Variants in LMTK2 observed in about 807,000 individuals in gnomAD.
The protein encoded by LMTK2 is serine/threonine-protein kinase LMTK2.
A neutral mutation model predicts 127.5 loss-of-function variants in LMTK2; 37 were observed. The observed-to-expected ratio is 0.29, with a 90% CI of 0.22 to 0.38. The LOEUF (loss-of-function observed/expected upper bound fraction) is 0.38. LMTK2 is among the 10% of genes least tolerant of loss of function. The probability of loss-of-function intolerance (pLI) is 1.00; values close to 1 mark genes in which losing one functional copy is unlikely to be tolerated. For synonymous variants in LMTK2, 819 were observed against 810.1 expected (o/e 1.01, Z -0.19); for missense variants, 1,694 against 1,920.3 (o/e 0.88, Z 2.20).
At chr7:98,142,948 C>G (rs1015250155) in intron 3 of LMTK2, among the ~76,000 whole-genome samples, 2 of 152,248 alleles carry the variant, frequency 1.3e-5, no homozygotes, top group East Asian at 1.9e-4. Context: ...GCTTCTTTCT[C>G]TCTCTCCTTG....
chr7:98,196,987 C>T (rs549772865), intron 11 of LMTK2, among the ~76,000 whole-genome samples: 177 of 152,330 alleles, frequency 1.2e-3, no homozygotes, highest in African/African-American at 3.8e-3. Flanking sequence ...GGTTTCCTCC[C>T]ACTCCTGCTT....
At position 98,194,405 on chromosome 7, in the gene LMTK2, A is replaced by T; in HGVS notation, c.3940A>T (p.Thr1314Ser). 1 of 1,614,072 alleles carries T rather than the reference A, an allele frequency of 6.2e-7. No individual in the cohort carries two copies. Among genetic ancestry groups the T allele is most frequent in the Non-Finnish European group, 8.5e-7 (1 of 1,180,024 alleles). The change falls in exon 11 of 14, where the codon ACC becomes TCC. Residue 1314 changes from threonine (T) to serine (S), a missense_variant. Thr to Ser is a moderately conservative substitution (Grantham distance 58). This residue lies in a region of LMTK2 where 554 missense variants were observed against 567.7 expected (regional missense o/e 0.98). Transcript: ENST00000297293. The surrounding 1 kb of genome is among the most constrained non-coding windows in gnomAD (Gnocchi z 5.4). ...HSLSSESEDE[T>S]EHPVPIILSN... ...CCTCAGCTCCGAGTCGGAGGACGAG[A>T]CCGAGCACCCCGTGCCCATCATCCT...
At position 98,171,647 on chromosome 7, in the gene LMTK2, C is replaced by T. The variant is rs1233831179; in HGVS notation, c.764C>T (p.Ala255Val). The T allele has an allele frequency of 2.5e-6, 4 of 1,599,790 alleles. No homozygotes were observed. The highest frequency in any genetic ancestry group is 1.3e-5 in the African/African-American group (1 of 74,724). Reference protein sequence around the residue: ...MACEVAAGLAAMHKLHFLHSD... With the variant: ...MACEVAAGLAVMHKLHFLHSD... ...TGCGAGGTCGCCGCGGGGCTGGCCG[C>T]CATGCACAAGCTGCACTTCCTGCAC... The change falls in exon 7 of 14, where the codon GCC becomes GTC. Residue 255 changes from alanine to valine, a missense_variant. Ala to Val is a moderately conservative substitution (Grantham distance 64). Around this residue, in one of 8 missense-constraint regions of LMTK2, gnomAD observed 203 missense variants for 226.2 expected, o/e 0.90. Transcript: ENST00000297293. The surrounding 1 kb of genome is among the most constrained non-coding windows in gnomAD (Gnocchi z 5.1).
chr7:98,159,530 C>G, intron 6 of LMTK2, 105 bp downstream of exon 6: 1 of 753,134 alleles, frequency 1.3e-6, no homozygotes, highest in Non-Finnish European at 2.3e-6. Context: ...TGTCTGTCCC[C>G]CACTTGAAGA....
chr7:98,152,901 C>T (rs751203155), intron 4 of LMTK2, among the ~76,000 whole-genome samples: 2 of 152,070 alleles, frequency 1.3e-5, no homozygotes, highest in Admixed American at 1.3e-4. Flanking sequence ...GTGGTAGGAC[C>T]CAAGACAGAT....
At chr7:98,159,707 T>C (rs902670630) in intron 6 of LMTK2, among the ~76,000 whole-genome samples, 1 of 152,212 alleles carries the variant, frequency 6.6e-6, no homozygotes, top group African/African-American at 2.4e-5. Flanking sequence ...GTCCATACTT[T>C]CCATGTGATG....
intron 6 of LMTK2, among the ~76,000 whole-genome samples, chr7:98,163,723 CT>C (rs943928104): frequency 6.6e-6 from 1 of 152,212 alleles, no homozygotes; most frequent in African/African-American, 2.4e-5. Flanking sequence ...CAAAGTGTCT[CT>C]TTGACACTGA....
At chr7:98,189,939 C>T (rs1178579028) in intron 9 of LMTK2, among the ~76,000 whole-genome samples, 1 of 151,968 alleles carries the variant, frequency 6.6e-6, no homozygotes, top group Non-Finnish European at 1.5e-5. Flanking sequence ...ATCGTCTTGC[C>T]CATGTAAAGA....
At chr7:98,152,449 C>A (rs1796872674) in intron 4 of LMTK2, among the ~76,000 whole-genome samples, 1 of 152,238 alleles carries the variant, frequency 6.6e-6, no homozygotes, top group African/African-American at 2.4e-5. Context: ...TGTTTGAGTT[C>A]TCTTCTGCAC....
chr7:98,192,234 C>T lies in LMTK2; in HGVS notation c.1769C>T (p.Thr590Met), dbSNP rs757563317. ...ACTGGCCCTGAACTGTCCCAGCTCA[C>T]GGCGCTCAGGAGCGTTGAACTTGAG... ...ERTGPELSQL[T>M]ALRSVELEES... The change falls in exon 11 of 14, where the codon ACG (threonine) becomes ATG (methionine). Residue 590 changes from threonine to methionine, a missense_variant. Transcript: ENST00000297293. The T allele has an allele frequency of 1.1e-5, 17 of 1,523,770 alleles. No individual in the cohort carries two copies. The highest frequency in any genetic ancestry group is 4.2e-5 in the African/African-American group (3 of 71,722). The allele number at this position is 1,523,770 out of a possible 1,614,324, so 94.4% of individuals were successfully genotyped here. A position where few individuals can be genotyped will look rare whatever the true frequency, so the allele number is the denominator to read the frequency against.
At position 98,106,872 on chromosome 7, in the gene LMTK2, G is replaced by T. The variant is rs1796112114; in HGVS notation, c.-306G>T. The T allele has an allele frequency of 9.1e-6, 4 of 441,480 alleles. No individual in the cohort carries two copies. Among genetic ancestry groups the T allele is most frequent in the Non-Finnish European group, 1.6e-5 (4 of 249,642 alleles). 27.3% of individuals were successfully genotyped at this position (441,480 alleles called of 1,614,324 possible). A position where few individuals can be genotyped will look rare whatever the true frequency, so the allele number is the denominator to read the frequency against. ...CCGCCCCCGCGCTACGTCACATGAC[G>T]CAGCCCATCATGGCGGCGGGAGCGC... On this transcript the variant is annotated 5_prime_UTR_variant, in exon 1 of 14. Transcript: ENST00000297293.
chr7:98,173,733 T>C (rs761139727), intron 7 of LMTK2, among the ~76,000 whole-genome samples: 33 of 152,190 alleles, frequency 2.2e-4, no homozygotes, highest in Non-Finnish European at 3.8e-4. Context: ...ATAGTTTGGG[T>C]TTTATTCAAG....
intron 1 of LMTK2, among the ~76,000 whole-genome samples, chr7:98,110,379 C>G (rs1796184884): frequency 6.6e-6 from 1 of 152,104 alleles, no homozygotes; most frequent in Admixed American, 6.6e-5. Context: ...CCGTTTTGCC[C>G]CCTACGCCCG....
chr7:98,180,079 A>G lies in LMTK2; in HGVS notation c.792-4972A>G, dbSNP rs1052052319. Among the ~76,000 whole-genome samples, 3 of 151,894 alleles carry G rather than the reference A, an allele frequency of 2.0e-5. No homozygotes were observed. The East Asian group carries it at 5.8e-4, about 29-fold the overall frequency. ...GTGGTGAAGATTAAACACTTAGAGA[A>G]AACATAAAATGCCTCTTGTGAAGTA... is the stretch of plus-strand genomic sequence containing the variant. On this transcript the variant is annotated intron_variant, in intron 7 of 13. Coordinates refer to ENST00000297293, the MANE Select transcript of LMTK2 (RefSeq NM_014916.4).
chr7:98,138,375 TTTACC>T (rs1484103677), intron 2 of LMTK2, among the ~76,000 whole-genome samples: 1 of 152,178 alleles, frequency 6.6e-6, no homozygotes, highest in East Asian at 1.9e-4. Flanking sequence ...GTGTGCTGTC[TTTACC>T]CCAAGCCTTC....
At chr7:98,123,689 G>C (rs1254291968) in intron 1 of LMTK2, among the ~76,000 whole-genome samples, 2 of 147,400 alleles carry the variant, frequency 1.4e-5, no homozygotes, top group African/African-American at 5.0e-5. Context: ...TTTAGTTCTG[G>C]CCAATTTTCA....
At chr7:98,116,511 T>G (rs561738002) in intron 1 of LMTK2, among the ~76,000 whole-genome samples, 1 of 152,174 alleles carries the variant, frequency 6.6e-6, no homozygotes, top group East Asian at 1.9e-4. Context: ...GGACTTGACT[T>G]CCCATGCAGC....
chr7:98,183,934 A>G (rs1797389722), intron 7 of LMTK2, among the ~76,000 whole-genome samples: 1 of 152,200 alleles, frequency 6.6e-6, no homozygotes, highest in Non-Finnish European at 1.5e-5. Context: ...GTCTGCAACA[A>G]CTTGATTCTT....
chr7:98,193,879 G>T lies in LMTK2; in HGVS notation c.3414G>T (p.Glu1138Asp), dbSNP rs766505279. The change falls in exon 11 of 14, where the codon GAG (glutamate) becomes GAT (aspartate). Residue 1138 changes from glutamate (E) to aspartate (D), a missense_variant. By Grantham distance (45) the Glu-to-Asp change is conservative. Transcript: ENST00000297293. The surrounding 1 kb of genome is among the most constrained non-coding windows in gnomAD (Gnocchi z 4.1). Reference protein sequence around the residue: ...LVLVQEQPLPEPVLPEQSPAA... With the variant: ...LVLVQEQPLPDPVLPEQSPAA... ...TGGTACAGGAGCAGCCCCTACCCGA[G>T]CCAGTCCTCCCCGAGCAAAGTCCTG... 3 of 1,614,086 alleles carry T rather than the reference G, an allele frequency of 1.9e-6. No individual in the cohort carries two copies. The highest frequency in any genetic ancestry group is 1.7e-6 in the Non-Finnish European group (2 of 1,180,032).
Sources: gnomAD v4.1 joint callset for allele counts (sites outside exome capture counted in the v4.1 genomes callset) on GRCh38, gnomAD v4.1.1 for gene constraint, gnomAD v4.1.1 regional missense constraint, Gnocchi (gnomAD v3.1) non-coding constraint, MANE v1.5 for transcripts, NCBI Gene and HGNC (gene_info 2026-07-23, HGNC 2026-07-21) for gene names.